The following ZNF705D variants were observed in gnomAD, a reference collection of about 807,000 sequenced individuals.
ZNF705D encodes the protein putative zinc finger protein 705C.
For missense variants in ZNF705D, 6 were observed against 129.4 expected, an observed-to-expected ratio of 0.05 and a Z score of 4.63; for synonymous variants, 1 against 43.8, an observed-to-expected ratio of 0.02 and a Z score of 3.86.
upstream of ZNF705D, among the ~76,000 whole-genome samples, chr8:12,107,208 G>C (rs1252895995): frequency 4.5e-5 from 1 of 22,242 alleles, no homozygotes; most frequent in African/African-American, 1.1e-4. Context: ...GCTAATTTCC[G>C]ATGCAGGAGA....
At chr8:12,094,504 TA>T in the ZNF705D span, among the ~76,000 whole-genome samples, 1 of 15,106 alleles carries the variant, frequency 6.6e-5, no homozygotes, top group Non-Finnish European at 1.8e-4. Context: ...ATTTTCCCTG[TA>T]AAAAATGGGA....
chr8:12,089,710 C>T, the ZNF705D span, among the ~76,000 whole-genome samples: 1 of 69,564 alleles, frequency 1.4e-5, no homozygotes, highest in African/African-American at 2.9e-5. Context: ...TGGGGCTAGG[C>T]GTGCCTGAGC....
At chr8:12,089,977 T>C in the ZNF705D span, among the ~76,000 whole-genome samples, 2 of 52,002 alleles carry the variant, frequency 3.8e-5, no homozygotes, top group African/African-American at 6.5e-5. Flanking sequence ...TGAGGCTTTC[T>C]GCCTCCCGAC....
At chr8:12,105,557 G>C (rs528006749), upstream of ZNF705D, among the ~76,000 whole-genome samples, 64 of 63,676 alleles carry the variant, frequency 1.0e-3, 25 homozygotes, top group Middle Eastern at 0.019. Context: ...TACCAAAATG[G>C]AGAAACCCTG....
the ZNF705D span, among the ~76,000 whole-genome samples, chr8:12,090,201 T>C: frequency 2.2e-5 from 2 of 89,354 alleles, no homozygotes; most frequent in African/African-American, 5.5e-5. Context: ...AATGGGCTAC[T>C]TGGGGATCCA....
At chr8:12,105,735 C>CAAA (rs564846829), upstream of ZNF705D, among the ~76,000 whole-genome samples, 1 of 27,752 alleles carries the variant, frequency 3.6e-5, no homozygotes, top group Non-Finnish European at 6.0e-5. Flanking sequence ...GAAACTCTAC[C>CAAA]AAAAAAAAAA....
chr8:12,091,869 T>C, the ZNF705D span, among the ~76,000 whole-genome samples: 2 of 9,344 alleles, frequency 2.1e-4, no homozygotes, highest in African/African-American at 3.8e-4. Flanking sequence ...CGACCTCAGG[T>C]GATCTGCCCC....
At chr8:12,089,917 G>T in the ZNF705D span, among the ~76,000 whole-genome samples, 2 of 47,828 alleles carry the variant, frequency 4.2e-5, 1 homozygote, top group African/African-American at 6.6e-5. Flanking sequence ...CCTTGTGATA[G>T]CCCGGAGTCT....
chr8:12,109,112 C>G (rs1802240987), intron 1 of ZNF705D, among the ~76,000 whole-genome samples: 1 of 92,480 alleles, frequency 1.1e-5, no homozygotes, highest in South Asian at 5.6e-4. Context: ...AAGTTGAGAA[C>G]AGGAGGCTTC....
the ZNF705D span, among the ~76,000 whole-genome samples, chr8:12,089,700 T>G: frequency 1.2e-4 from 7 of 59,606 alleles, no homozygotes; most frequent in Admixed American, 3.3e-4. Context: ...CAGGTGGGGG[T>G]GGGGCTAGGC....
chr8:12,102,987 T>A (rs1802153446), upstream of ZNF705D, among the ~76,000 whole-genome samples: 2 of 83,078 alleles, frequency 2.4e-5, no homozygotes, highest in African/African-American at 6.1e-5. Context: ...AGGACATAAT[T>A]TTTTTATGGT....
At chr8:12,103,020 A>G (rs1401317976), upstream of ZNF705D, among the ~76,000 whole-genome samples, 4 of 93,376 alleles carry the variant, frequency 4.3e-5, no homozygotes, top group African/African-American at 1.1e-4. Flanking sequence ...CATGGTGTAC[A>G]TATACTGTAT....
chr8:12,107,156 C>T (rs868235473), upstream of ZNF705D, among the ~76,000 whole-genome samples: 12 of 6,486 alleles, frequency 1.9e-3, 1 homozygote, highest in Admixed American at 3.6e-3. Context: ...ACGATTGTGA[C>T]TGTATACACA....
At chr8:12,109,396 A>G (rs1370853693) in intron 1 of ZNF705D, among the ~76,000 whole-genome samples, 1 of 90,422 alleles carries the variant, frequency 1.1e-5, no homozygotes, top group Non-Finnish European at 2.7e-5. Context: ...CACATTTTCT[A>G]TTAGTTCATT....
chr8:12,099,905 A>G (rs1342407123), upstream of ZNF705D, among the ~76,000 whole-genome samples: 1 of 135,988 alleles, frequency 7.4e-6, no homozygotes, highest in Non-Finnish European at 1.6e-5. Flanking sequence ...TGGTTTCATT[A>G]ATGACCAGAC....
chr8:12,090,164 C>T, the ZNF705D span, among the ~76,000 whole-genome samples: 67,928 of 89,056 alleles, frequency 0.76, 30,118 homozygotes, highest in Non-Finnish European at 0.98. Context: ...GCCACCCCCC[C>T]GATGGATGTC....
chr8:12,090,391 G>A, the ZNF705D span, among the ~76,000 whole-genome samples: 1 of 34,090 alleles, frequency 2.9e-5, no homozygotes, highest in Non-Finnish European at 9.1e-5. Context: ...TCCGTGGTTA[G>A]GGGACTTAAA....
At chr8:12,090,067 C>G in the ZNF705D span, among the ~76,000 whole-genome samples, 3 of 72,366 alleles carry the variant, frequency 4.1e-5, 1 homozygote, top group Admixed American at 7.2e-4. Flanking sequence ...GAGTTCTGGC[C>G]AGGAGGCTTC....
chr8:12,089,855 G>C, the ZNF705D span, among the ~76,000 whole-genome samples: 2 of 47,816 alleles, frequency 4.2e-5, 1 homozygote, highest in Non-Finnish European at 1.7e-4. Flanking sequence ...GGGAAGTTGG[G>C]GAAAGCTAGC....
Sources: gnomAD v4.1 joint callset for allele counts (sites outside exome capture counted in the v4.1 genomes callset) on GRCh38, gnomAD v4.1.1 for gene constraint, MANE v1.5 for transcripts, NCBI Gene and HGNC (gene_info 2026-07-23, HGNC 2026-07-21) for gene names.